The following RAB33A variants were observed in gnomAD, a reference collection of about 807,000 sequenced individuals.
RAB33A encodes ras-related protein Rab-33A.
In RAB33A, 6 loss-of-function variants were observed where a neutral mutation model predicts 12.0. The ratio of observed to expected loss-of-function variants is 0.50; its 90% CI spans 0.27 to 0.99. The LOEUF (loss-of-function observed/expected upper bound fraction) is 0.99. RAB33A is among the 50% of genes least tolerant of loss of function. The pLI is 0.11. For missense variants in RAB33A, 109 were observed against 192.0 expected (o/e 0.57, Z 2.55); for synonymous variants, 70 against 82.4 (o/e 0.85, Z 0.81).
At chrX:130,137,097 G>A in the RAB33A span, 1 of 1,211,128 alleles carries the variant, frequency 8.3e-7, no homozygotes, top group Non-Finnish European at 1.1e-6. Flanking sequence ...CTTTTTCCAT[G>A]GTCCAGTTGC....
the RAB33A span, chrX:130,149,568 C>A: frequency 8.5e-7 from 1 of 1,179,170 alleles, no homozygotes; most frequent in Non-Finnish European, 1.2e-6. Flanking sequence ...GTCTTGTAGG[C>A]CTGCGGATCC....
At chrX:130,165,481 G>A in the RAB33A span, 1 of 914,727 alleles carries the variant, frequency 1.1e-6, no homozygotes, top group Non-Finnish European at 1.6e-6. Flanking sequence ...GGGGTAGAGG[G>A]CTGCAAGGCA....
chrX:130,138,181 T>A, the RAB33A span: 1 of 161,447 alleles, frequency 6.2e-6, no homozygotes, highest in African/African-American at 3.1e-5. Flanking sequence ...TAAACCTTAA[T>A]TAGGCTGGGT....
rs749957014 is a variant in RAB33A, at chrX:130,184,792, C to T, written c.*52C>T. ...ATTATCACTGGAGTTTTTTCTTTCCCTTTTTTCTGTGCCTGCATAATGCTG... is the reference window on the plus strand; with the variant it reads ...ATTATCACTGGAGTTTTTTCTTTCCTTTTTTTCTGTGCCTGCATAATGCTG... On this transcript the variant is annotated 3_prime_UTR_variant, in exon 2 of 2. Coordinates refer to ENST00000257017, the MANE Select transcript of RAB33A (RefSeq NM_004794.3). 3.7e-6 allele frequency: 4 copies of T among 1,081,540 alleles called. No homozygotes were observed. The highest frequency in any genetic ancestry group is 2.1e-5 in the South Asian group (1 of 47,802). 89.1% of individuals were successfully genotyped at this position (1,081,540 alleles called of 1,213,427 possible).
At chrX:130,154,793 C>A in the RAB33A span, among the ~76,000 whole-genome samples, 1 of 112,478 alleles carries the variant, frequency 8.9e-6, no homozygotes, top group African/African-American at 3.2e-5. Context: ...GTTCACATTA[C>A]CTTTATTTGC....
chrX:130,159,886 T>C, the RAB33A span, among the ~76,000 whole-genome samples: 2 of 108,820 alleles, frequency 1.8e-5, no homozygotes, highest in African/African-American at 6.7e-5. Flanking sequence ...AGTGGCACAA[T>C]CTCGGCTCAC....
upstream of RAB33A, among the ~76,000 whole-genome samples, chrX:130,169,773 GT>G (rs931856686): frequency 2.6e-4 from 29 of 112,177 alleles, no homozygotes; most frequent in African/African-American, 5.8e-4. Context: ...ATGTACATAT[GT>G]TTTTTTAATA....
the RAB33A span, among the ~76,000 whole-genome samples, chrX:130,152,566 C>T: frequency 9.0e-6 from 1 of 111,556 alleles, no homozygotes; most frequent in East Asian, 2.8e-4. Context: ...AGGTCATTTT[C>T]TGAGTGAGGC....
intron 1 of RAB33A, among the ~76,000 whole-genome samples, chrX:130,173,442 T>C (rs753672533): frequency 3.3e-3 from 371 of 111,638 alleles, no homozygotes; most frequent in African/African-American, 0.012. Flanking sequence ...ACAAGGCCCC[T>C]CCTCTGAGTG....
chrX:130,115,730 AAAGAAAAGG>A, the RAB33A span, among the ~76,000 whole-genome samples: 1 of 110,260 alleles, frequency 9.1e-6, no homozygotes, highest in African/African-American at 3.3e-5. Flanking sequence ...AGAAAGAAAG[AAAGAAAAGG>A]AAAGTTGCCT....
At chrX:130,122,657 T>C in the RAB33A span, among the ~76,000 whole-genome samples, 1 of 111,888 alleles carries the variant, frequency 8.9e-6, no homozygotes, top group African/African-American at 3.3e-5. Flanking sequence ...TGGTATTAGG[T>C]TGAAAGCCTG....
At chrX:130,148,480 C>G in the RAB33A span, among the ~76,000 whole-genome samples, 63 of 111,567 alleles carry the variant, frequency 5.6e-4, 3 homozygotes, top group East Asian at 6.7e-3. Flanking sequence ...CCTTTAGCAA[C>G]TCGAAACTGC....
At chrX:130,140,609 C>A in the RAB33A span, 6 of 1,200,140 alleles carry the variant, frequency 5.0e-6, no homozygotes, top group African/African-American at 1.7e-5. Flanking sequence ...TCACATCCAG[C>A]TGTACTACCT....
chrX:130,140,682 A>C, the RAB33A span: 1 of 861,807 alleles, frequency 1.2e-6, no homozygotes, highest in Non-Finnish European at 1.7e-6. Context: ...AGTTTTATTG[A>C]GATATAATTC....
At chrX:130,116,597 A>C in the RAB33A span, among the ~76,000 whole-genome samples, 6 of 112,187 alleles carry the variant, frequency 5.3e-5, no homozygotes, top group South Asian at 2.2e-3. Flanking sequence ...TGGCCACCCC[A>C]GGTTCTGGAG....
chrX:130,130,681 G>A, the RAB33A span, among the ~76,000 whole-genome samples: 1 of 112,513 alleles, frequency 8.9e-6, no homozygotes, highest in Non-Finnish European at 1.9e-5. Context: ...GAGCAGAGAT[G>A]GAACATTTCC....
At chrX:130,129,877 G>A in the RAB33A span, 3 of 1,061,412 alleles carry the variant, frequency 2.8e-6, no homozygotes, top group Non-Finnish European at 1.3e-6. Flanking sequence ...ACCTGGCCGG[G>A]GGACAATGCA....
chrX:130,136,440 C>T, the RAB33A span, among the ~76,000 whole-genome samples: 2 of 112,272 alleles, frequency 1.8e-5, no homozygotes, highest in Non-Finnish European at 3.8e-5. Context: ...TAGAATGGGG[C>T]TAAGGGAAAG....
At position 130,181,007 on chromosome X, in the gene RAB33A, C is replaced by CAAAAAAAAAAAAAAAAAAAAAAAAA. The variant is rs60085312; in HGVS notation, c.259-3275_259-3251dup. On this transcript the variant is annotated intron_variant, in intron 1 of 1. Coordinates refer to ENST00000257017, the MANE Select transcript of RAB33A (RefSeq NM_004794.3). Reference sequence around the variant, plus strand: ...TGGGCAACAGAGCAACAGTCCATCTCAAAAAAAAAAAAAAAAAAAAAAAAA... The same window carrying CAAAAAAAAAAAAAAAAAAAAAAAAA: ...TGGGCAACAGAGCAACAGTCCATCTCAAAAAAAAAAAAAAAAAAAAAAAAAAAAAAAAAAAAAAAAAAAAAAAAAA... Among the ~76,000 whole-genome samples, 2 of 8,125 alleles carry CAAAAAAAAAAAAAAAAAAAAAAAAA rather than the reference C, an allele frequency of 2.5e-4. 1 individual carries two copies. The highest frequency in any genetic ancestry group is 6.8e-4 in the African/African-American group (2 of 2,954). 7.1% of individuals were successfully genotyped at this position (8,125 alleles called of 115,157 possible). A position where few individuals can be genotyped will look rare whatever the true frequency, so the allele number is the denominator to read the frequency against.
Sources: gnomAD v4.1 joint callset for allele counts (sites outside exome capture counted in the v4.1 genomes callset) on GRCh38, gnomAD v4.1.1 for gene constraint, MANE v1.5 for transcripts, NCBI Gene and HGNC (gene_info 2026-07-23, HGNC 2026-07-21) for gene names.